The following RPAP2 variants were observed in gnomAD, a reference collection of about 807,000 sequenced individuals.
The protein encoded by RPAP2 is RNA polymerase II associated protein 2, also known as putative RNA polymerase II subunit B1 CTD phosphatase RPAP2.
RPAP2 carries 52 observed loss-of-function variants against 73.1 expected under a neutral mutation model. The ratio of observed to expected loss-of-function variants is 0.71; its 90% CI spans 0.57 to 0.90. The LOEUF (loss-of-function observed/expected upper bound fraction) is 0.90, where lower values mean the gene tolerates loss of function less well. Among genes scored for constraint, RPAP2 ranks in the 40% least tolerant of loss-of-function variants. The pLI, the probability that RPAP2 is intolerant of heterozygous loss-of-function variation, is 0.00. For synonymous variants in RPAP2, 225 were observed against 242.1 expected, an observed-to-expected ratio of 0.93 and a Z score of 0.65; for missense variants, 598 against 701.8, an observed-to-expected ratio of 0.85 and a Z score of 1.67.
At chr1:92,301,284 G>A (rs749929597) in intron 2 of RPAP2, among the ~76,000 whole-genome samples, 192 bp from the exon 3 acceptor site, 11 of 152,138 alleles carry the variant, frequency 7.2e-5, no homozygotes, top group Non-Finnish European at 1.3e-4. Flanking sequence ...AGGAGCTCGA[G>A]ACCAGTTTGA....
chr1:92,319,047 AAG>A (rs146281823), intron 6 of RPAP2, among the ~76,000 whole-genome samples: 46 of 152,316 alleles, frequency 3.0e-4, no homozygotes, highest in African/African-American at 1.0e-3. Flanking sequence ...TGCTTTAAAA[AAG>A]AGAAAAAAGG....
intron 10 of RPAP2, among the ~76,000 whole-genome samples, chr1:92,341,057 G>T (rs1373133699): frequency 6.6e-6 from 1 of 151,978 alleles, no homozygotes; most frequent in Non-Finnish European, 1.5e-5. Flanking sequence ...CACCCAGGTT[G>T]GACTGCCGTG....
rs1411672855 is a variant in RPAP2 at position 92,390,537 on chromosome 1, CATAACA to C, written c.*3530_*3535del. 1 of 152,142 alleles carries C rather than the reference CATAACA, an allele frequency of 6.6e-6. No individual in the cohort carries two copies. The highest frequency in any genetic ancestry group is 1.5e-5 in the Non-Finnish European group (1 of 68,026). The allele number at this position is 152,142 out of a possible 1,614,324, so 9.4% of individuals were successfully genotyped here. A position where few individuals can be genotyped will look rare whatever the true frequency, so the allele number is the denominator to read the frequency against. On this transcript the variant is annotated 3_prime_UTR_variant, in exon 13 of 13. Coordinates refer to ENST00000610020, the MANE Select transcript of RPAP2 (RefSeq NM_024813.3). The stretch of plus-strand genomic sequence containing the variant: ...TCATAATGACAGGATCAAATTCCCA[CATAACA>C]ATATTAACCTTAAATGTAAATGGGA...
intron 11 of RPAP2, among the ~76,000 whole-genome samples, chr1:92,371,259 C>T (rs1157854162): frequency 2.0e-5 from 3 of 150,510 alleles, no homozygotes; most frequent in African/African-American, 7.4e-5. Context: ...GAGCTGAGAT[C>T]GTGCCATTGC....
rs1306769584 is a variant in RPAP2, at chr1:92,373,733, TAAAAATAAAAAAAAA to T, written c.1689-6985_1689-6971del. On this transcript the variant is annotated intron_variant, in intron 11 of 12. Coordinates refer to ENST00000610020, the MANE Select transcript of RPAP2 (RefSeq NM_024813.3). ...CAACATGGTGAAACCCCGTCTCTACTAAAAATAAAAAAAAAAAAAAAAAAAAAAAAAAAAAAAGTA... is the reference window on the plus strand; with the variant it reads ...CAACATGGTGAAACCCCGTCTCTACTAAAAAAAAAAAAAAAAAAAAAAGTA... Among the ~76,000 whole-genome samples, 75 of 40,904 alleles carry T rather than the reference TAAAAATAAAAAAAAA, an allele frequency of 1.8e-3. 5 individuals carry two copies. The East Asian group carries it at 0.037, about 20-fold the overall frequency. 26.8% of individuals were successfully genotyped at this position (40,904 alleles called of 152,430 possible).
chr1:92,383,070 G>A (rs1181089804), intron 12 of RPAP2, among the ~76,000 whole-genome samples: 1 of 152,238 alleles, frequency 6.6e-6, no homozygotes, highest in Non-Finnish European at 1.5e-5. Context: ...TCCAAGATCA[G>A]ATAGTTGCAG....
At chr1:92,364,378 A>G (rs1654848546) in intron 11 of RPAP2, among the ~76,000 whole-genome samples, 1 of 152,168 alleles carries the variant, frequency 6.6e-6, no homozygotes, top group Admixed American at 6.5e-5. Context: ...AGACAAATAT[A>G]AGGAAGAAAA....
intron 5 of RPAP2, 41 bp from the exon 6 acceptor site, chr1:92,307,147 T>G: frequency 7.2e-7 from 1 of 1,390,226 alleles, no homozygotes. Flanking sequence ...AGGTAATGTT[T>G]CATGATAAGA....
chr1:92,307,726 A>ATT (rs33919043), intron 6 of RPAP2, among the ~76,000 whole-genome samples: 39,080 of 150,184 alleles, frequency 0.26, 6,356 homozygotes, highest in Non-Finnish European at 0.35. Flanking sequence ...TTAAAAAGTA[A>ATT]TTTTTTTTTT....
At chr1:92,373,493 T>A (rs1413995338) in intron 11 of RPAP2, among the ~76,000 whole-genome samples, 2 of 152,096 alleles carry the variant, frequency 1.3e-5, no homozygotes, top group Non-Finnish European at 2.9e-5. Context: ...GTGAATATCC[T>A]AGAGCTAAAC....
intron 10 of RPAP2, among the ~76,000 whole-genome samples, chr1:92,341,055 T>A (rs1171934628): frequency 1.3e-5 from 2 of 152,134 alleles, no homozygotes; most frequent in African/African-American, 4.8e-5. Flanking sequence ...GTCACCCAGG[T>A]TGGACTGCCG....
intron 11 of RPAP2, among the ~76,000 whole-genome samples, chr1:92,350,954 A>G (rs779132862): frequency 6.6e-6 from 1 of 151,948 alleles, no homozygotes; most frequent in Non-Finnish European, 1.5e-5. Context: ...AGTCTTCTAT[A>G]AATATTTAGT....
intron 6 of RPAP2, among the ~76,000 whole-genome samples, chr1:92,312,067 A>T (rs1651624503): frequency 6.6e-6 from 1 of 152,148 alleles, no homozygotes; most frequent in Admixed American, 6.6e-5. Flanking sequence ...ATTTCTCTGT[A>T]GCATTAGATG....
chr1:92,357,398 A>C (rs1654530620), intron 11 of RPAP2, among the ~76,000 whole-genome samples: 1 of 152,232 alleles, frequency 6.6e-6, no homozygotes, highest in Non-Finnish European at 1.5e-5. Context: ...GGGGCCATAC[A>C]AAGTTGATGG....
chr1:92,354,970 C>T (rs1332565383), intron 11 of RPAP2, among the ~76,000 whole-genome samples: 1 of 151,402 alleles, frequency 6.6e-6, no homozygotes, highest in African/African-American at 2.4e-5. Flanking sequence ...ACGATCTCAG[C>T]TCATTGCAAT....
chr1:92,377,160 C>A (rs968599009), intron 11 of RPAP2, among the ~76,000 whole-genome samples: 1 of 152,058 alleles, frequency 6.6e-6, no homozygotes, highest in African/African-American at 2.4e-5. Context: ...TATAGATAGA[C>A]CCTAAGGCTT....
intron 11 of RPAP2, among the ~76,000 whole-genome samples, chr1:92,372,584 G>A (rs1427532747): frequency 6.6e-6 from 1 of 152,094 alleles, no homozygotes; most frequent in Non-Finnish European, 1.5e-5. Flanking sequence ...TGGGGGAGGG[G>A]GAATGAAGAA....
At chr1:92,360,735 CCTGTT>C (rs1654693151) in intron 11 of RPAP2, among the ~76,000 whole-genome samples, 1 of 152,126 alleles carries the variant, frequency 6.6e-6, no homozygotes, top group African/African-American at 2.4e-5. Context: ...CATTTTGCCT[CCTGTT>C]CTTAATTTCA....
intron 11 of RPAP2, among the ~76,000 whole-genome samples, chr1:92,378,881 T>C (rs1032872186): frequency 1.3e-5 from 2 of 152,192 alleles, no homozygotes; most frequent in Non-Finnish European, 2.9e-5. Context: ...TCTGAGAACT[T>C]AGTACTCCAT....
Sources: gnomAD v4.1 joint callset for allele counts (sites outside exome capture counted in the v4.1 genomes callset) on GRCh38, gnomAD v4.1.1 for gene constraint, MANE v1.5 for transcripts, NCBI Gene and HGNC (gene_info 2026-07-23, HGNC 2026-07-21) for gene names.